Variants in EHD4 observed in about 807,000 individuals in gnomAD.
EHD4 encodes EH domain containing 4.
Under a neutral mutation model 51.0 loss-of-function variants are expected in EHD4, and 37 were observed. The ratio of observed to expected loss-of-function variants is 0.73; its 90% CI spans 0.56 to 0.95. The LOEUF is 0.95. Ranked by LOEUF, EHD4 falls within the 40% of genes least tolerant of loss-of-function variation. The pLI, the probability that EHD4 is intolerant of heterozygous loss-of-function variation, is 0.00. For synonymous variants in EHD4, 297 were observed against 317.3 expected (o/e 0.94, Z 0.68); for missense variants, 632 against 733.1 (o/e 0.86, Z 1.59).
intron 2 of EHD4, among the ~76,000 whole-genome samples, chr15:41,946,385 T>C (rs1274810896): frequency 6.6e-6 from 1 of 152,090 alleles, no homozygotes; most frequent in Non-Finnish European, 1.5e-5. Context: ...AAAGTAATGG[T>C]CCAGGCTATG....
intron 1 of EHD4, among the ~76,000 whole-genome samples, chr15:41,962,507 T>C (rs2067930749): frequency 7.0e-6 from 1 of 143,006 alleles, no homozygotes; most frequent in South Asian, 2.2e-4. Context: ...CAGAAAAAGG[T>C]AGATTTAATA....
intron 4 of EHD4, among the ~76,000 whole-genome samples, chr15:41,917,756 T>A (rs1817395047): frequency 6.6e-6 from 1 of 152,124 alleles, no homozygotes; most frequent in Non-Finnish European, 1.5e-5. Flanking sequence ...GTAAGTGGAT[T>A]TACAAACTAG....
rs746582323 is a variant in EHD4 at position 41,906,870 on chromosome 15, C to T, written c.1089+2829G>A. Among the ~76,000 whole-genome samples the T allele has an allele frequency of 1.1e-4, 16 of 152,244 alleles. 1 individual carries two copies. The highest frequency in any genetic ancestry group is 7.2e-4 in the Admixed American group (11 of 15,268). ...TGCACTTGCTTGCTCACCCACCTTC[C>T]GTGGTGCTAAGGTACTGGGCATAGA... is the stretch of plus-strand genomic sequence containing the variant. On this transcript the variant is annotated intron_variant, in intron 5 of 5. Transcript: ENST00000220325.
At chr15:41,949,016 CTATA>C (rs3035677) in intron 2 of EHD4, among the ~76,000 whole-genome samples, 3,193 of 92,374 alleles carry the variant, frequency 0.035, 137 homozygotes, top group African/African-American at 0.086. Context: ...CAGAGTGAGA[CTATA>C]TATATATATA....
At chr15:41,949,558 C>G (rs975934307) in intron 2 of EHD4, among the ~76,000 whole-genome samples, 3 of 152,072 alleles carry the variant, frequency 2.0e-5, no homozygotes, top group African/African-American at 7.2e-5. Context: ...TCAGGCCCAG[C>G]TAAAATGACT....
chr15:41,960,450 T>G (rs2067917267), intron 1 of EHD4, among the ~76,000 whole-genome samples: 1 of 152,176 alleles, frequency 6.6e-6, no homozygotes, highest in African/African-American at 2.4e-5. Flanking sequence ...CTCATACCAT[T>G]AAAAATTCTT....
At chr15:41,902,529 G>T (rs1193822659) in intron 5 of EHD4, among the ~76,000 whole-genome samples, 5 of 151,974 alleles carry the variant, frequency 3.3e-5, no homozygotes, top group African/African-American at 1.2e-4. Context: ...TACTCCAATT[G>T]TTTAAAAAAG....
At chr15:41,923,075 G>C (rs934618691) in intron 3 of EHD4, among the ~76,000 whole-genome samples, 1 of 152,184 alleles carries the variant, frequency 6.6e-6, no homozygotes, top group African/African-American at 2.4e-5. Flanking sequence ...GTACTGCACA[G>C]TGGCATTAAA....
intron 1 of EHD4, among the ~76,000 whole-genome samples, chr15:41,965,342 C>T (rs1047833594): frequency 2.6e-5 from 4 of 152,204 alleles, no homozygotes; most frequent in Non-Finnish European, 5.9e-5. Flanking sequence ...TATATTTACA[C>T]AATCCTCAGT....
At chr15:41,945,396 G>A (rs1027637262) in intron 2 of EHD4, among the ~76,000 whole-genome samples, 18 of 152,244 alleles carry the variant, frequency 1.2e-4, no homozygotes, top group Admixed American at 4.6e-4. Context: ...CCAGGCACGG[G>A]AGCCACAGAG....
chr15:41,903,455 C>CAT lies in EHD4; in HGVS notation c.1090-2275_1090-2274insAT, dbSNP rs1310138185. Among the ~76,000 whole-genome samples, 3 of 45,046 alleles carry CAT rather than the reference C, an allele frequency of 6.7e-5. No individual in the cohort carries two copies. The East Asian group carries it at 9.0e-4, about 13-fold the overall frequency. 29.6% of individuals were successfully genotyped at this position (45,046 alleles called of 152,430 possible). On this transcript the variant is annotated intron_variant, in intron 5 of 5. Coordinates refer to ENST00000220325, the MANE Select transcript of EHD4 (RefSeq NM_139265.4). ...GCATTTCTAGCCATTAACATACATACACACACACACACACACACACACACA... is the reference window on the plus strand; with the variant it reads ...GCATTTCTAGCCATTAACATACATACATACACACACACACACACACACACACA...
intron 1 of EHD4, among the ~76,000 whole-genome samples, chr15:41,962,663 C>T (rs936211973): frequency 9.9e-5 from 15 of 151,858 alleles, no homozygotes; most frequent in East Asian, 1.9e-4. Context: ...CCGCCCCGTC[C>T]GGGAGGGAGG....
At chr15:41,950,140 T>C (rs1258916706) in intron 2 of EHD4, among the ~76,000 whole-genome samples, 2 of 152,258 alleles carry the variant, frequency 1.3e-5, no homozygotes, top group South Asian at 2.1e-4. Flanking sequence ...TTCTCTAATA[T>C]AAACCTTTTT....
At chr15:41,957,495 T>C (rs538347452) in intron 1 of EHD4, among the ~76,000 whole-genome samples, 7 of 152,240 alleles carry the variant, frequency 4.6e-5, no homozygotes, top group Admixed American at 4.6e-4. Flanking sequence ...TGGAGTCTGG[T>C]AGGAATGATT....
chr15:41,956,319 G>A (rs1442712271), intron 1 of EHD4, among the ~76,000 whole-genome samples: 1 of 123,314 alleles, frequency 8.1e-6, no homozygotes, highest in African/African-American at 2.7e-5. Flanking sequence ...AGCCTGGCCA[G>A]GAGGAGGCCC....
chr15:41,956,790 C>T (rs1224109150), intron 1 of EHD4, among the ~76,000 whole-genome samples: 1 of 152,202 alleles, frequency 6.6e-6, no homozygotes, highest in Non-Finnish European at 1.5e-5. Context: ...TATTATAAAG[C>T]TTGCTTGCAT....
intron 5 of EHD4, 47 bp downstream of exon 5, chr15:41,909,652 C>G: frequency 6.2e-7 from 1 of 1,606,776 alleles, no homozygotes. Flanking sequence ...CAATGTGGCA[C>G]TGCACCTCTG....
In EHD4 at chr15:41,900,969, C is replaced by T. The variant is rs1567242011; in HGVS notation, c.1302G>A (p.Lys434=). The T allele has an allele frequency of 6.2e-7, 1 of 1,611,862 alleles. No individual in the cohort carries two copies. Among genetic ancestry groups the T allele is most frequent in the Non-Finnish European group, 8.5e-7 (1 of 1,178,194 alleles). The change falls in exon 6 of 6, where the codon AAG becomes AAA. Residue 434 remains lysine, a synonymous_variant. Coordinates refer to ENST00000220325, the MANE Select transcript of EHD4 (RefSeq NM_139265.4). The surrounding 1 kb of genome is among the most constrained non-coding windows in gnomAD (Gnocchi z 4.8). Reference sequence around the variant, plus strand: ...CCCACTCCTCCTCGTCGGCGCCCTCCTTGGCACCCTCCCCGTAGCCCTGGT... The same window carrying T: ...CCCACTCCTCCTCGTCGGCGCCCTCTTTGGCACCCTCCCCGTAGCCCTGGT... ...PFNQGYGEGA[K]EGADEEEWVV...
At position 41,899,124 on chromosome 15, in the gene EHD4, C is replaced by T. The variant is rs977244691; in HGVS notation, c.*1521G>A. 6.6e-6 allele frequency: 1 copy of T among 152,152 alleles called. No individual in the cohort carries two copies. The highest frequency in any genetic ancestry group is 2.4e-5 in the African/African-American group (1 of 41,408). 9.4% of individuals were successfully genotyped at this position (152,152 alleles called of 1,614,324 possible). ...AGTGGGACGGTTCTGATTTCATTCA[C>T]TTCTGGTGCCAGCAGGCCCCCATAC... is the stretch of plus-strand genomic sequence containing the variant. On this transcript the variant is annotated 3_prime_UTR_variant, in exon 6 of 6. Transcript: ENST00000220325.
Sources: allele counts gnomAD v4.1 joint callset (sites outside exome capture counted in the v4.1 genomes callset), GRCh38; gene constraint gnomAD v4.1.1; non-coding constraint Gnocchi (gnomAD v3.1); transcripts MANE v1.5; gene names NCBI Gene and HGNC (gene_info 2026-07-23, HGNC 2026-07-21).